Variants in FAM135B observed in about 807,000 individuals in gnomAD.
The protein encoded by FAM135B is protein FAM135B.
Under a neutral mutation model 127.7 loss-of-function variants are expected in FAM135B, and 43 were observed. The ratio of observed to expected loss-of-function variants is 0.34; its 90% confidence interval spans 0.26 to 0.43. The LOEUF (loss-of-function observed/expected upper bound fraction) is 0.43, where lower values mean the gene tolerates loss of function less well. Among genes scored for constraint, FAM135B ranks in the 20% least tolerant of loss-of-function variants. FAM135B has a pLI of 1.00. For synonymous variants in FAM135B, 670 were observed against 665.1 expected, an observed-to-expected ratio of 1.01 and a Z score of -0.11; for missense variants, 1,558 against 1,725.6, an observed-to-expected ratio of 0.90 and a Z score of 1.72.
chr8:138,367,527 T>C, intron 2 of FAM135B: 2 of 448,880 alleles, frequency 4.5e-6, no homozygotes, highest in Non-Finnish European at 4.4e-6. Context: ...TTTGAAGTAA[T>C]GGCCTGCATC....
At chr8:138,170,513 C>T (rs542948615) in intron 11 of FAM135B, among the ~76,000 whole-genome samples, 3 of 152,272 alleles carry the variant, frequency 2.0e-5, no homozygotes, top group Admixed American at 6.5e-5. Flanking sequence ...TGAGCCACCG[C>T]GCCCGGCCCA....
chr8:138,148,014 A>C (rs894477243), intron 14 of FAM135B, among the ~76,000 whole-genome samples: 3 of 152,172 alleles, frequency 2.0e-5, no homozygotes, highest in Non-Finnish European at 4.4e-5. Flanking sequence ...GTAGCAAGAT[A>C]GTCTGGGCCA....
chr8:138,381,870 C>T (rs899524363), intron 1 of FAM135B, among the ~76,000 whole-genome samples: 8 of 152,094 alleles, frequency 5.3e-5, no homozygotes, highest in Admixed American at 1.3e-4. Flanking sequence ...AAGCCAGTGT[C>T]GGGGGAAGGA....
At chr8:138,429,326 G>A (rs917650072) in intron 1 of FAM135B, among the ~76,000 whole-genome samples, 2 of 152,130 alleles carry the variant, frequency 1.3e-5, no homozygotes, top group Admixed American at 6.5e-5. Flanking sequence ...CATGGTATAT[G>A]ATAGGTGGTT....
chr8:138,156,171 C>A (rs4532642), intron 12 of FAM135B, among the ~76,000 whole-genome samples: 50,424 of 152,110 alleles, frequency 0.33, 9,240 homozygotes, highest in East Asian at 0.53. Flanking sequence ...TACATGGAAA[C>A]TGAACAACCT....
chr8:138,235,681 C>T (rs1820220528), intron 7 of FAM135B, among the ~76,000 whole-genome samples: 1 of 152,156 alleles, frequency 6.6e-6, no homozygotes, highest in Non-Finnish European at 1.5e-5. Context: ...CTGCCAGACA[C>T]ACACCTCCCA....
chr8:138,164,058 A>C (rs1819669012), intron 12 of FAM135B, among the ~76,000 whole-genome samples: 1 of 152,226 alleles, frequency 6.6e-6, no homozygotes, highest in Admixed American at 6.5e-5. Context: ...CACTAGAAGA[A>C]TGGAATATAA....
At chr8:138,468,285 C>A (rs1181320779) in intron 1 of FAM135B, among the ~76,000 whole-genome samples, 1 of 152,240 alleles carries the variant, frequency 6.6e-6, no homozygotes, top group Non-Finnish European at 1.5e-5. Flanking sequence ...TTCCTCTAAC[C>A]CTGTTTTATT....
Position 138,374,271 on chromosome 8 carries a change from A to G in FAM135B, c.-19-6269T>C, listed in dbSNP as rs12675287. ...TTGGGGCAGGTTCCCCAGTAAGTCC[A>G]GGCTTCTGCATCTGTACTTGGAGGG... On this transcript the variant is annotated intron_variant, in intron 1 of 19. Coordinates refer to ENST00000395297, the MANE Select transcript of FAM135B (RefSeq NM_015912.4). Among the ~76,000 whole-genome samples, 28 of 152,340 alleles carry G rather than the reference A, an allele frequency of 1.8e-4. No homozygotes were observed. The East Asian group carries it at 4.4e-3, about 24-fold the overall frequency.
chr8:138,257,785 T>A (rs1320719414), intron 4 of FAM135B, among the ~76,000 whole-genome samples: 2 of 152,016 alleles, frequency 1.3e-5, no homozygotes, highest in African/African-American at 4.8e-5. Flanking sequence ...TTAGACCCCA[T>A]AGTATTTTTG....
intron 1 of FAM135B, among the ~76,000 whole-genome samples, chr8:138,450,244 A>C (rs189205822): frequency 3.7e-4 from 56 of 152,340 alleles, no homozygotes; most frequent in African/African-American, 1.3e-3. Context: ...TATCTACTTA[A>C]CTACTGAAGG....
intron 3 of FAM135B, among the ~76,000 whole-genome samples, chr8:138,302,908 T>C (rs1825990520): frequency 6.6e-6 from 1 of 152,188 alleles, no homozygotes; most frequent in South Asian, 2.1e-4. Flanking sequence ...CCAGTTAGAA[T>C]GGGGATTATT....
rs2130793649 is a variant in FAM135B, at chr8:138,153,174, G to C, written c.1301C>G (p.Thr434Arg). 1 of 1,594,734 alleles carries C rather than the reference G, an allele frequency of 6.3e-7. No homozygotes were observed. Among genetic ancestry groups the C allele is most frequent in the Non-Finnish European group, 8.6e-7 (1 of 1,168,306 alleles). ...SVYPNFDVPVTSPTIMNLKDK... is the reference protein window; with the variant it reads ...SVYPNFDVPVRSPTIMNLKDK... ...TTTCAGATTCATTATTGTAGGACTT[G>C]TCACTGGAACATCAAAATTAGGATA... is the stretch of plus-strand genomic sequence containing the variant. The change falls in exon 13 of 20, where the codon ACA becomes AGA. Residue 434 changes from threonine to arginine, a missense_variant. Physicochemically the swap from Thr to Arg is moderately conservative, Grantham distance 71. Transcript: ENST00000395297.
intron 5 of FAM135B, among the ~76,000 whole-genome samples, chr8:138,251,422 C>G (rs7464094): frequency 0.76 from 116,243 of 152,170 alleles, 45,297 homozygotes; most frequent in African/African-American, 0.94. Context: ...GACTGTGTGA[C>G]CCTGTGTTTT....
intron 2 of FAM135B, among the ~76,000 whole-genome samples, chr8:138,344,569 CTTTCTTTCT>C (rs1358758142): frequency 1.2e-4 from 3 of 25,952 alleles, no homozygotes; most frequent in Non-Finnish European, 2.6e-4. Context: ...GCTACACTTT[CTTTCTTTCT>C]TTTTTTTTTT....
intron 1 of FAM135B, among the ~76,000 whole-genome samples, chr8:138,414,236 C>A (rs1159006830): frequency 6.6e-6 from 1 of 151,654 alleles, no homozygotes; most frequent in Non-Finnish European, 1.5e-5. Flanking sequence ...ATATTATTTT[C>A]TAGGTTGTGA....
At chr8:138,329,772 C>T (rs1004302376) in intron 2 of FAM135B, among the ~76,000 whole-genome samples, 1 of 152,134 alleles carries the variant, frequency 6.6e-6, no homozygotes, top group Non-Finnish European at 1.5e-5. Context: ...TGGTAAGCTA[C>T]TGCAACTTTG....
chr8:138,153,329 G>A (rs545279542), intron 12 of FAM135B, 113 bp from the exon 13 acceptor site: 1 of 830,976 alleles, frequency 1.2e-6, no homozygotes, highest in East Asian at 2.8e-5. Context: ...TCGGTTCGAA[G>A]ATGGGAGAAT....
chr8:138,460,404 G>C (rs1837051726), intron 1 of FAM135B, among the ~76,000 whole-genome samples: 1 of 152,184 alleles, frequency 6.6e-6, no homozygotes, highest in African/African-American at 2.4e-5. Flanking sequence ...CAAAACAGCA[G>C]CCTGGAGGGT....
Sources: gnomAD v4.1 joint callset for allele counts (sites outside exome capture counted in the v4.1 genomes callset) on GRCh38, gnomAD v4.1.1 for gene constraint, MANE v1.5 for transcripts, NCBI Gene and HGNC (gene_info 2026-07-23, HGNC 2026-07-21) for gene names.